TLL2: variants seen among roughly 807,000 people sequenced by gnomAD.
TLL2 encodes tolloid-like protein 2.
A neutral mutation model predicts 123.0 loss-of-function variants in TLL2; 106 were observed. The ratio of observed to expected loss-of-function variants is 0.86; its 90% CI spans 0.74 to 1.01. TLL2 has a LOEUF of 1.01. Among genes scored for constraint, TLL2 ranks in the 50% least tolerant of loss-of-function variants. The probability of loss-of-function intolerance (pLI) is 0.00; values close to 1 mark genes in which losing one functional copy is unlikely to be tolerated. For missense variants in TLL2, 1,332 were observed against 1,336.7 expected (o/e 1.00, Z 0.06); for synonymous variants, 494 against 516.8 (o/e 0.96, Z 0.60).
At chr10:96,393,529 G>A (rs1589410282) in intron 13 of TLL2, among the ~76,000 whole-genome samples, 1 of 152,188 alleles carries the variant, frequency 6.6e-6, no homozygotes, top group Admixed American at 6.5e-5. Context: ...CTTGCTTGAG[G>A]CCACCCAGCC....
rs1589401825 is a variant in TLL2 at position 96,367,997 on chromosome 10, GT to G, written c.*90del. 6.6e-7 allele frequency: 1 copy of G among 1,504,264 alleles called. No individual in the cohort carries two copies. Among genetic ancestry groups the G allele is most frequent in the African/African-American group, 1.4e-5 (1 of 72,380 alleles). 93.2% of individuals were successfully genotyped at this position (1,504,264 alleles called of 1,614,324 possible). Reference sequence around the variant, plus strand: ...TTGTTTGAGAAAAATACTGTACACTGTTTTAGGGCAGATTTTCAAGGTGCTA... The same window carrying G: ...TTGTTTGAGAAAAATACTGTACACTGTTTAGGGCAGATTTTCAAGGTGCTA... On this transcript the variant is annotated 3_prime_UTR_variant, in exon 21 of 21. Transcript: ENST00000357947.
chr10:96,506,936 A>T (rs187894978), intron 1 of TLL2, among the ~76,000 whole-genome samples: 160 of 152,284 alleles, frequency 1.1e-3, no homozygotes, highest in Non-Finnish European at 1.6e-3. Context: ...TCAAAGGATG[A>T]GCAAGGTCAG....
chr10:96,432,558 C>T (rs904150668), intron 4 of TLL2, among the ~76,000 whole-genome samples: 1 of 152,166 alleles, frequency 6.6e-6, no homozygotes, highest in Non-Finnish European at 1.5e-5. Context: ...AAGGTCCTTC[C>T]AGGTCACTCC....
At position 96,367,839 on chromosome 10, in the gene TLL2, C is replaced by A; in HGVS notation, c.*249G>T. 1 of 439,672 alleles carries A rather than the reference C, an allele frequency of 2.3e-6. No homozygotes were observed. The highest frequency in any genetic ancestry group is 4.1e-6 in the Non-Finnish European group (1 of 242,588). 27.2% of individuals were successfully genotyped at this position (439,672 alleles called of 1,614,324 possible). A position where few individuals can be genotyped will look rare whatever the true frequency, so the allele number is the denominator to read the frequency against. On this transcript the variant is annotated 3_prime_UTR_variant, in exon 21 of 21. Transcript: ENST00000357947. ...AATGGTCAGTGACTTCAATCCTAAT[C>A]TTTAACACTTTAACAGTTCATGAAT...
chr10:96,503,355 C>T (rs897724487), intron 1 of TLL2, among the ~76,000 whole-genome samples: 2 of 152,174 alleles, frequency 1.3e-5, no homozygotes, highest in Non-Finnish European at 2.9e-5. Context: ...TTCACTGCCT[C>T]ATTTAATCCT....
At chr10:96,411,831 C>T (rs1320819823) in intron 8 of TLL2, among the ~76,000 whole-genome samples, 1 of 152,136 alleles carries the variant, frequency 6.6e-6, no homozygotes, top group Non-Finnish European at 1.5e-5. Flanking sequence ...GGAGAACTGC[C>T]CATTATCGGC....
At chr10:96,454,692 C>T (rs777331053) in intron 2 of TLL2, among the ~76,000 whole-genome samples, 9 of 152,174 alleles carry the variant, frequency 5.9e-5, no homozygotes, top group Non-Finnish European at 1.3e-4. Flanking sequence ...AACCATCCCT[C>T]CTCATAGGGT....
intron 3 of TLL2, among the ~76,000 whole-genome samples, chr10:96,437,006 TG>T (rs1022095031): frequency 1.8e-4 from 28 of 152,302 alleles, no homozygotes; most frequent in African/African-American, 6.7e-4. Flanking sequence ...TTTTTAATTT[TG>T]GTTAGTGTTT....
intron 1 of TLL2, among the ~76,000 whole-genome samples, chr10:96,488,369 C>T (rs908622509): frequency 6.6e-6 from 1 of 152,342 alleles, no homozygotes; most frequent in South Asian, 2.1e-4. Context: ...TTCCGCAGCA[C>T]CTGCGGGAAG....
Position 96,451,277 on chromosome 10 carries a change from G to T in TLL2, c.287-5109C>A, listed in dbSNP as rs1263553638. On this transcript the variant is annotated intron_variant, in intron 2 of 20. Transcript: ENST00000357947. Reference sequence around the variant, plus strand: ...CTTTGGGAGCAAGCTGCTTTTCTTTGGGAAAGCCCAATTTTCTTCCGCTCT... The same window carrying T: ...CTTTGGGAGCAAGCTGCTTTTCTTTTGGAAAGCCCAATTTTCTTCCGCTCT... 3.3e-5 allele frequency among the ~76,000 whole-genome samples: 5 copies of T among 152,078 alleles called. No homozygotes were observed. The South Asian group carries it at 1.0e-3, about 32-fold the overall frequency.
rs1675456960 is a variant in TLL2, at chr10:96,368,046, AC to A, written c.*41del. The A allele has an allele frequency of 1.2e-6, 2 of 1,609,736 alleles. No individual in the cohort carries two copies. Among genetic ancestry groups the A allele is most frequent in the African/African-American group, 2.7e-5 (2 of 74,780 alleles). On this transcript the variant is annotated 3_prime_UTR_variant, in exon 21 of 21. Transcript: ENST00000357947. The stretch of plus-strand genomic sequence containing the variant: ...CTATTGTTGTTAAAAACAAAACAAA[AC>A]AAAAAAAATTCTCAGTTTCTGTCTT...
At chr10:96,411,911 A>C (rs1846511710) in intron 8 of TLL2, among the ~76,000 whole-genome samples, 1 of 152,192 alleles carries the variant, frequency 6.6e-6, no homozygotes, top group South Asian at 2.1e-4. Context: ...CATGAGGATT[A>C]TGCCTGGCAG....
chr10:96,450,730 G>T (rs1345984371), intron 2 of TLL2, among the ~76,000 whole-genome samples: 2 of 152,146 alleles, frequency 1.3e-5, no homozygotes, highest in Non-Finnish European at 2.9e-5. Context: ...TGCAGCTGCA[G>T]GCACCATAGA....
chr10:96,481,458 G>A (rs1307161652), intron 1 of TLL2, among the ~76,000 whole-genome samples: 1 of 152,132 alleles, frequency 6.6e-6, no homozygotes, highest in Admixed American at 6.5e-5. Flanking sequence ...TTCATTACTG[G>A]AGCACAGTCT....
Position 96,365,219 on chromosome 10 carries a change from A to T in TLL2, c.*2869T>A, listed in dbSNP as rs573455699. On this transcript the variant is annotated 3_prime_UTR_variant, in exon 21 of 21. Transcript: ENST00000357947. Reference sequence around the variant, plus strand: ...CAAGGGTTGGACAAGCTTGCTTTAGAGAGAAATTGTAAAGTAGAAATAAAA... The same window carrying T: ...CAAGGGTTGGACAAGCTTGCTTTAGTGAGAAATTGTAAAGTAGAAATAAAA... The T allele has an allele frequency of 2.6e-5, 4 of 152,362 alleles. No individual in the cohort carries two copies. Among genetic ancestry groups the T allele is most frequent in the South Asian group, 2.1e-4 (1 of 4,826 alleles). The allele number at this position is 152,362 out of a possible 1,614,324, so 9.4% of individuals were successfully genotyped here.
intron 1 of TLL2, among the ~76,000 whole-genome samples, chr10:96,492,429 G>C (rs1847423792): frequency 6.6e-6 from 1 of 152,172 alleles, no homozygotes; most frequent in South Asian, 2.1e-4. Context: ...TTTGAGACCA[G>C]CCTGACCAAC....
intron 2 of TLL2, among the ~76,000 whole-genome samples, chr10:96,473,049 C>CG (rs373698844): frequency 9.6e-5 from 9 of 93,970 alleles, no homozygotes; most frequent in African/African-American, 3.8e-4. Context: ...GTTCCATCAG[C>CG]CCCCCCCAAT....
At chr10:96,497,543 G>A (rs1847489330) in intron 1 of TLL2, among the ~76,000 whole-genome samples, 1 of 152,128 alleles carries the variant, frequency 6.6e-6, no homozygotes, top group African/African-American at 2.4e-5. Context: ...TAGGGAAGAG[G>A]AGAGAGGCTG....
chr10:96,456,308 T>C (rs1366135511), intron 2 of TLL2, among the ~76,000 whole-genome samples: 2 of 152,190 alleles, frequency 1.3e-5, no homozygotes, highest in East Asian at 3.9e-4. Context: ...AGAGTGCATA[T>C]CTCAGGGACG....
Sources: gnomAD v4.1 joint callset for allele counts (sites outside exome capture counted in the v4.1 genomes callset) on GRCh38, gnomAD v4.1.1 for gene constraint, MANE v1.5 for transcripts, NCBI Gene and HGNC (gene_info 2026-07-23, HGNC 2026-07-21) for gene names.